FSTL4: variants seen among roughly 807,000 people sequenced by gnomAD.
The protein encoded by FSTL4 is follistatin like 4.
Under a neutral mutation model 78.2 loss-of-function variants are expected in FSTL4, and 28 were observed. That is an observed-to-expected ratio of 0.36 (90% CI 0.27 to 0.49). The LOEUF (loss-of-function observed/expected upper bound fraction) is 0.49, where lower values mean the gene tolerates loss of function less well. Among genes scored for constraint, FSTL4 ranks in the 20% least tolerant of loss-of-function variants. The pLI, the probability that FSTL4 is intolerant of heterozygous loss-of-function variation, is 0.98. For missense variants in FSTL4, 922 were observed against 1,084.9 expected, an observed-to-expected ratio of 0.85 and a Z score of 2.11; for synonymous variants, 422 against 440.5, an observed-to-expected ratio of 0.96 and a Z score of 0.53.
At chr5:133,739,983 C>T in the FSTL4 span, among the ~76,000 whole-genome samples, 4 of 151,398 alleles carry the variant, frequency 2.6e-5, no homozygotes, top group African/African-American at 7.3e-5. Flanking sequence ...CCCTCAATCT[C>T]CCAGGCTCAA....
chr5:133,748,663 G>A, the FSTL4 span, among the ~76,000 whole-genome samples: 2 of 152,192 alleles, frequency 1.3e-5, no homozygotes, highest in African/African-American at 2.4e-5. Flanking sequence ...AGGGAGCTGG[G>A]CAGACTGGCT....
At chr5:133,705,723 T>A in the FSTL4 span, among the ~76,000 whole-genome samples, 1 of 152,080 alleles carries the variant, frequency 6.6e-6, no homozygotes, top group Non-Finnish European at 1.5e-5. Context: ...AATCTCTCCA[T>A]CCCTGTGATG....
intron 3 of FSTL4, among the ~76,000 whole-genome samples, chr5:133,442,592 A>C (rs1004774239): frequency 7.2e-5 from 11 of 152,220 alleles, no homozygotes; most frequent in African/African-American, 2.4e-4. Context: ...GCATGGTGTC[A>C]TTCTTTTATT....
intron 7 of FSTL4, among the ~76,000 whole-genome samples, chr5:133,240,645 A>G (rs931960321): frequency 3.3e-5 from 5 of 151,662 alleles, no homozygotes; most frequent in Admixed American, 2.6e-4. Context: ...GTGGATGCCA[A>G]AGGGGAGGCC....
At chr5:133,498,643 G>A (rs1416387087) in intron 3 of FSTL4, among the ~76,000 whole-genome samples, 1 of 151,502 alleles carries the variant, frequency 6.6e-6, no homozygotes, top group Non-Finnish European at 1.5e-5. Flanking sequence ...ACCTGAACCT[G>A]GGAGGTGGAG....
At chr5:133,284,277 T>TGCTCCTTATGCTCACACTTATG (rs1179130197) in intron 6 of FSTL4, among the ~76,000 whole-genome samples, 1 of 152,192 alleles carries the variant, frequency 6.6e-6, no homozygotes, top group Non-Finnish European at 1.5e-5. Context: ...AAGGAGCAAT[T>TGCTCCTTATGCTCACACTTATG]CTCACAAGTC....
At chr5:133,259,957 C>A (rs1464855576) in intron 6 of FSTL4, among the ~76,000 whole-genome samples, 1 of 152,078 alleles carries the variant, frequency 6.6e-6, no homozygotes, top group African/African-American at 2.4e-5. Flanking sequence ...TTGATGATAA[C>A]CCCCTAACCC....
At chr5:133,727,680 T>C in the FSTL4 span, among the ~76,000 whole-genome samples, 99 of 152,316 alleles carry the variant, frequency 6.5e-4, no homozygotes, top group African/African-American at 2.3e-3. Flanking sequence ...GACACAGATT[T>C]TTGCTCACAT....
intron 3 of FSTL4, among the ~76,000 whole-genome samples, chr5:133,516,068 C>A (rs1758845828): frequency 6.6e-6 from 1 of 151,678 alleles, no homozygotes; most frequent in Non-Finnish European, 1.5e-5. Context: ...CGTGCCATGA[C>A]CAAGGAGGAC....
At position 133,474,927 on chromosome 5, in the gene FSTL4, G is replaced by C. The variant is rs1757898659; in HGVS notation, c.161-73941C>G. Reference sequence around the variant, plus strand: ...ACCCATGGGGGAACTCAGCCTCACAGTGTTCGCGGGGAAACCCAAGTCATT... The same window carrying C: ...ACCCATGGGGGAACTCAGCCTCACACTGTTCGCGGGGAAACCCAAGTCATT... On this transcript the variant is annotated intron_variant, in intron 3 of 15. Transcript: ENST00000265342. Among the ~76,000 whole-genome samples the C allele has an allele frequency of 3.3e-5, 5 of 152,338 alleles. No individual in the cohort carries two copies. The South Asian group carries it at 1.0e-3, about 32-fold the overall frequency.
intron 3 of FSTL4, among the ~76,000 whole-genome samples, chr5:133,505,306 C>G (rs1345177085): frequency 6.6e-6 from 1 of 152,146 alleles, no homozygotes; most frequent in Admixed American, 6.5e-5. Flanking sequence ...CATAGCAGAA[C>G]AGGCATTGTG....
the FSTL4 span, among the ~76,000 whole-genome samples, chr5:133,758,561 T>C: frequency 1.3e-5 from 2 of 152,220 alleles, no homozygotes; most frequent in African/African-American, 4.8e-5. Flanking sequence ...GCAGATTTAG[T>C]AAAAATCCTA....
chr5:133,468,534 G>C (rs1757757813), intron 3 of FSTL4, among the ~76,000 whole-genome samples: 1 of 152,148 alleles, frequency 6.6e-6, no homozygotes, highest in Admixed American at 6.5e-5. Flanking sequence ...AGAATTACTA[G>C]ACCTGCCCTC....
At chr5:133,255,486 GGGTT>G (rs1307926446) in intron 6 of FSTL4, among the ~76,000 whole-genome samples, 1 of 152,190 alleles carries the variant, frequency 6.6e-6, no homozygotes, top group Admixed American at 6.5e-5. Flanking sequence ...AAGTCAGTGT[GGGTT>G]GGTTGGCACA....
chr5:133,479,050 A>T (rs1757976127), intron 3 of FSTL4, among the ~76,000 whole-genome samples: 1 of 152,244 alleles, frequency 6.6e-6, no homozygotes, highest in South Asian at 2.1e-4. Context: ...AGAAATTGAG[A>T]GAAGTTTAAC....
At chr5:133,617,171 C>T (rs926886183), upstream of FSTL4, among the ~76,000 whole-genome samples, 7 of 151,942 alleles carry the variant, frequency 4.6e-5, no homozygotes, top group African/African-American at 7.3e-5. Flanking sequence ...TGGTGGCACG[C>T]GCCTATAGTC....
At chr5:133,428,850 T>C (rs1359099577) in intron 3 of FSTL4, among the ~76,000 whole-genome samples, 1 of 152,216 alleles carries the variant, frequency 6.6e-6, no homozygotes, top group Non-Finnish European at 1.5e-5. Context: ...CAATGCTTCA[T>C]TGTTAAGAGT....
chr5:133,366,130 G>A (rs1036464595), intron 4 of FSTL4, among the ~76,000 whole-genome samples: 1 of 152,184 alleles, frequency 6.6e-6, no homozygotes, highest in Non-Finnish European at 1.5e-5. Flanking sequence ...TGGCCTTTGT[G>A]TGCCACCTTG....
chr5:133,798,015 C>G, the FSTL4 span, among the ~76,000 whole-genome samples: 2 of 152,182 alleles, frequency 1.3e-5, no homozygotes, highest in African/African-American at 4.8e-5. Flanking sequence ...AAGGACAACA[C>G]TGGCCCACAG....
Sources: gnomAD v4.1 joint callset for allele counts (sites outside exome capture counted in the v4.1 genomes callset) on GRCh38, gnomAD v4.1.1 for gene constraint, MANE v1.5 for transcripts, NCBI Gene and HGNC (gene_info 2026-07-23, HGNC 2026-07-21) for gene names.